Variants in FAT3 observed in about 807,000 individuals in gnomAD.
The protein encoded by FAT3 is FAT atypical cadherin 3.
Under a neutral mutation model 310.2 loss-of-function variants are expected in FAT3, and 95 were observed. That is an observed-to-expected ratio of 0.31 (90% CI 0.26 to 0.36). The LOEUF (loss-of-function observed/expected upper bound fraction) is 0.36. Among genes scored for constraint, FAT3 ranks in the 10% least tolerant of loss-of-function variants. FAT3 has a pLI of 1.00. For synonymous variants in FAT3, 2,314 were observed against 2,192.9 expected (o/e 1.06, Z -1.54); for missense variants, 5,408 against 5,715.6 (o/e 0.95, Z 1.74).
rs141670187 is a variant in FAT3 at position 92,722,918 on chromosome 11, C to T, written c.3669+25473C>T. Among the ~76,000 whole-genome samples the T allele has an allele frequency of 7.4e-3, 1,121 of 152,206 alleles. 15 individuals are homozygous for T. The highest frequency in any genetic ancestry group is 0.025 in the African/African-American group (1,056 of 41,546). On this transcript the variant is annotated intron_variant, in intron 4 of 27. Coordinates refer to ENST00000525166, the MANE Select transcript of FAT3 (RefSeq NM_001367949.2). Reference sequence around the variant, plus strand: ...GCATGGGGACCCTGGGCCTGGCCTACGAAAACATCTTTTCCTCCTAGTTCT... The same window carrying T: ...GCATGGGGACCCTGGGCCTGGCCTATGAAAACATCTTTTCCTCCTAGTTCT...
At chr11:92,393,491 G>T (rs1949793501) in intron 2 of FAT3, among the ~76,000 whole-genome samples, 1 of 152,076 alleles carries the variant, frequency 6.6e-6, no homozygotes, top group Non-Finnish European at 1.5e-5. Flanking sequence ...TCATCAGCAG[G>T]AATACCAGCA....
chr11:92,453,898 T>C (rs1383083473), intron 2 of FAT3, among the ~76,000 whole-genome samples: 2 of 152,174 alleles, frequency 1.3e-5, no homozygotes, highest in African/African-American at 2.4e-5. Context: ...GCCACATATG[T>C]AAGTTTTTTC....
intron 2 of FAT3, among the ~76,000 whole-genome samples, chr11:92,411,426 G>A (rs112353856): frequency 4.8e-4 from 73 of 151,994 alleles, no homozygotes; most frequent in African/African-American, 1.7e-3. Flanking sequence ...AGTGTGGGGA[G>A]AGATTGTGTC....
intron 2 of FAT3, among the ~76,000 whole-genome samples, chr11:92,415,849 CTTT>C (rs1196695394): frequency 0.03 from 2,085 of 70,322 alleles, 83 homozygotes; most frequent in African/African-American, 0.1. Context: ...AGCATTTTTG[CTTT>C]TTTTTTTTTT....
At chr11:92,319,762 A>G (rs1165110511) in intron 1 of FAT3, among the ~76,000 whole-genome samples, 2 of 152,238 alleles carry the variant, frequency 1.3e-5, no homozygotes, top group Non-Finnish European at 2.9e-5. Flanking sequence ...TAAAGTACCC[A>G]GTATAAACAC....
chr11:92,412,734 T>TACAC lies in FAT3; in HGVS notation c.3292+57331_3292+57332insCACA, dbSNP rs780704070. On this transcript the variant is annotated intron_variant, in intron 2 of 27. Transcript: ENST00000525166. ...ATATATATATATATATATATATATATATATATATATAAATATACATACATA... is the reference window on the plus strand; with the variant it reads ...ATATATATATATATATATATATATATACACATATATATATAAATATACATACATA... Among the ~76,000 whole-genome samples the TACAC allele has an allele frequency of 1.6e-3, 19 of 11,886 alleles. 3 individuals carry two copies. Among genetic ancestry groups the TACAC allele is most frequent in the South Asian group, 0.013 (5 of 378 alleles). The allele number at this position is 11,886 out of a possible 152,430, so 7.8% of individuals were successfully genotyped here.
At chr11:92,556,029 T>C (rs1475669494) in intron 3 of FAT3, among the ~76,000 whole-genome samples, 1 of 152,194 alleles carries the variant, frequency 6.6e-6, no homozygotes, top group Non-Finnish European at 1.5e-5. Context: ...GAGTGTTATA[T>C]GAGGTCATGA....
intron 3 of FAT3, among the ~76,000 whole-genome samples, chr11:92,565,879 A>C (rs1313905151): frequency 2.0e-5 from 3 of 152,140 alleles, no homozygotes. Context: ...TATTGATGGG[A>C]CGTATCTCAA....
At chr11:92,817,261 G>A (rs1445601407) in intron 13 of FAT3, among the ~76,000 whole-genome samples, 1 of 152,160 alleles carries the variant, frequency 6.6e-6, no homozygotes, top group Non-Finnish European at 1.5e-5. Flanking sequence ...ACCCAGTGAG[G>A]GCTCTGTAGG....
intron 3 of FAT3, among the ~76,000 whole-genome samples, chr11:92,612,925 G>A (rs1457261887): frequency 6.6e-6 from 1 of 152,186 alleles, no homozygotes; most frequent in African/African-American, 2.4e-5. Flanking sequence ...GGGAAATGGT[G>A]ATAGCTAATT....
At chr11:92,728,918 G>A (rs1277612683) in intron 4 of FAT3, among the ~76,000 whole-genome samples, 1 of 152,156 alleles carries the variant, frequency 6.6e-6, no homozygotes, top group East Asian at 1.9e-4. Context: ...CTCATCTCAA[G>A]ATCCTTAACT....
intron 2 of FAT3, among the ~76,000 whole-genome samples, chr11:92,421,421 A>C (rs189193227): frequency 1.3e-5 from 2 of 152,300 alleles, no homozygotes; most frequent in Non-Finnish European, 2.9e-5. Flanking sequence ...ATATCTATTG[A>C]GCCTCTTTCA....
intron 2 of FAT3, among the ~76,000 whole-genome samples, chr11:92,357,327 C>A (rs555321784): frequency 6.6e-6 from 1 of 152,298 alleles, no homozygotes; most frequent in Admixed American, 6.5e-5. Context: ...AGCCTATTTT[C>A]AAACTTAGCT....
chr11:92,318,222 G>T (rs1357511062), intron 1 of FAT3, among the ~76,000 whole-genome samples: 1 of 152,104 alleles, frequency 6.6e-6, no homozygotes, highest in Non-Finnish European at 1.5e-5. Flanking sequence ...GGTGAAGCAG[G>T]AAGCAATCAG....
intron 2 of FAT3, among the ~76,000 whole-genome samples, chr11:92,437,543 A>G (rs1950966094): frequency 6.6e-6 from 1 of 152,204 alleles, no homozygotes; most frequent in South Asian, 2.1e-4. Context: ...TACACTTGAA[A>G]TATACACTCA....
In FAT3 at chr11:92,353,405, A is replaced by C. The variant is rs375835875; in HGVS notation, c.1293A>C (p.Thr431=). 1.2e-6 allele frequency: 2 copies of C among 1,613,428 alleles called. No individual in the cohort carries two copies. The highest frequency in any genetic ancestry group is 1.7e-6 in the Non-Finnish European group (2 of 1,179,776). ...ATCCTCGGTCGGGTCTGATTGTTAC[A>C]GCACGGCCACTGAATACTGTTAAGA... ...KINPRSGLIV[T]ARPLNTVKKE... The change falls in exon 2 of 28, where the codon ACA becomes ACC. Residue 431 remains threonine (T), a synonymous_variant. Transcript: ENST00000525166.
chr11:92,724,093 G>T (rs1944934983), intron 4 of FAT3, among the ~76,000 whole-genome samples: 1 of 152,162 alleles, frequency 6.6e-6, no homozygotes, highest in African/African-American at 2.4e-5. Flanking sequence ...GTGGGTTGTT[G>T]GTGGGTTGTG....
At chr11:92,458,566 G>C (rs1301331130) in intron 2 of FAT3, among the ~76,000 whole-genome samples, 1 of 141,386 alleles carries the variant, frequency 7.1e-6, no homozygotes, top group Non-Finnish European at 1.6e-5. Flanking sequence ...TATTTCTGCT[G>C]TTCCCCTTCC....
intron 3 of FAT3, among the ~76,000 whole-genome samples, chr11:92,554,452 ACTC>A (rs1433953185): frequency 2.9e-5 from 3 of 104,206 alleles, no homozygotes; most frequent in Non-Finnish European, 1.8e-5. Flanking sequence ...AAAGAGTGAG[ACTC>A]CATCTCAAAA....
Sources: allele counts gnomAD v4.1 joint callset (sites outside exome capture counted in the v4.1 genomes callset), GRCh38; gene constraint gnomAD v4.1.1; transcripts MANE v1.5; gene names NCBI Gene and HGNC (gene_info 2026-07-23, HGNC 2026-07-21).